Variants in GLRA2 observed in about 807,000 individuals in gnomAD.
The protein encoded by GLRA2 is glycine receptor subunit alpha-2.
A neutral mutation model predicts 31.6 loss-of-function variants in GLRA2; 11 were observed. The observed-to-expected ratio is 0.35, with a 90% CI of 0.22 to 0.58. GLRA2 has a LOEUF of 0.58. Ranked by LOEUF, GLRA2 falls within the 20% of genes least tolerant of loss-of-function variation. The pLI is 0.84. For missense variants in GLRA2, 212 were observed against 351.8 expected, an observed-to-expected ratio of 0.60 and a Z score of 3.18; for synonymous variants, 132 against 134.0, an observed-to-expected ratio of 0.99 and a Z score of 0.10.
At chrX:14,555,515 G>A (rs3027336) in intron 2 of GLRA2, among the ~76,000 whole-genome samples, 10 of 111,479 alleles carry the variant, frequency 9.0e-5, no homozygotes, top group Admixed American at 5.7e-4. Context: ...GGAGGGCAAC[G>A]GTTAAGACTT....
intron 7 of GLRA2, among the ~76,000 whole-genome samples, chrX:14,621,536 C>T (rs1052482245): frequency 9.1e-6 from 1 of 110,129 alleles, no homozygotes; most frequent in Middle Eastern, 4.6e-3. Context: ...CCGACAGGCC[C>T]CGGTGTGTGA....
At chrX:14,531,127 C>CCAT (rs2089249478) in intron 1 of GLRA2, 1 of 927,204 alleles carries the variant, frequency 1.1e-6, no homozygotes, top group African/African-American at 2.0e-5. Context: ...ACCACCACCA[C>CCAT]CATCATAATC....
intron 2 of GLRA2, among the ~76,000 whole-genome samples, chrX:14,545,804 ATTAG>A (rs1357645462): frequency 9.0e-6 from 1 of 111,386 alleles, no homozygotes; most frequent in East Asian, 2.8e-4. Context: ...TTGCTGAATT[ATTAG>A]TTATAGATGT....
At chrX:14,578,961 G>T (rs1308547154) in intron 3 of GLRA2, among the ~76,000 whole-genome samples, 4 of 112,021 alleles carry the variant, frequency 3.6e-5, no homozygotes, top group Non-Finnish European at 7.5e-5. Flanking sequence ...TTATTTAACA[G>T]ATAGGAGGGT....
intron 7 of GLRA2, among the ~76,000 whole-genome samples, chrX:14,618,943 C>A (rs1254063054): frequency 8.9e-6 from 1 of 111,805 alleles, no homozygotes; most frequent in East Asian, 2.8e-4. Context: ...TATTTCAAAT[C>A]TTTGACTTCC....
chrX:14,472,692 C>CT, the GLRA2 span, among the ~76,000 whole-genome samples: 1 of 111,441 alleles, frequency 9.0e-6, no homozygotes, highest in South Asian at 3.8e-4. Context: ...CCTGTCGCAT[C>CT]TTTTTAATGA....
the GLRA2 span, among the ~76,000 whole-genome samples, chrX:14,465,022 A>G: frequency 8.9e-6 from 1 of 111,831 alleles, no homozygotes; most frequent in Non-Finnish European, 1.9e-5. Flanking sequence ...ATGTTTTTCT[A>G]TTTCTGTGAA....
chrX:14,524,709 A>AGACTCTTAATG (rs1301606297), upstream of GLRA2, among the ~76,000 whole-genome samples: 6 of 110,089 alleles, frequency 5.5e-5, no homozygotes, highest in Admixed American at 2.9e-4. Flanking sequence ...ATTGACTCTG[A>AGACTCTTAATG]GACTCTTAAT....
At chrX:14,533,097 AAAG>A (rs1201993585) in intron 2 of GLRA2, among the ~76,000 whole-genome samples, 39 of 111,091 alleles carry the variant, frequency 3.5e-4, no homozygotes, top group African/African-American at 1.2e-3. Context: ...AATCAGAAAA[AAAG>A]AATAAGAATC....
At chrX:14,548,729 G>A (rs5935767) in intron 2 of GLRA2, among the ~76,000 whole-genome samples, 22,567 of 111,239 alleles carry the variant, frequency 0.2, 2,248 homozygotes, top group Non-Finnish European at 0.31. Context: ...TGTCTGCAGT[G>A]TTCAGTAAAT....
chrX:14,686,061 C>T (rs763663085), intron 7 of GLRA2, among the ~76,000 whole-genome samples: 26 of 111,670 alleles, frequency 2.3e-4, no homozygotes, highest in African/African-American at 7.8e-4. Flanking sequence ...GCCTTCATTT[C>T]GTTATGTACC....
chrX:14,625,246 C>T (rs2090574508), intron 7 of GLRA2, among the ~76,000 whole-genome samples: 1 of 111,111 alleles, frequency 9.0e-6, no homozygotes, highest in Admixed American at 9.6e-5. Context: ...TGTGTCTCTG[C>T]ATGTGAGATG....
At chrX:14,474,660 TG>T in the GLRA2 span, among the ~76,000 whole-genome samples, 1 of 12,969 alleles carries the variant, frequency 7.7e-5, no homozygotes, top group Non-Finnish European at 1.5e-4. Flanking sequence ...TCAGCTGGGA[TG>T]GCTGGGATGG....
At chrX:14,610,760 C>A (rs2090388085) in intron 7 of GLRA2, among the ~76,000 whole-genome samples, 1 of 112,037 alleles carries the variant, frequency 8.9e-6, no homozygotes, top group South Asian at 3.7e-4. Flanking sequence ...CATTTAGCCT[C>A]CAACTGCTCA....
chrX:14,599,862 C>T (rs2090248449), intron 4 of GLRA2, among the ~76,000 whole-genome samples: 1 of 111,511 alleles, frequency 9.0e-6, no homozygotes, highest in Non-Finnish European at 1.9e-5. Context: ...CCTTTAGATG[C>T]ACGGTAGACT....
At chrX:14,516,493 A>G in the GLRA2 span, among the ~76,000 whole-genome samples, 1 of 110,950 alleles carries the variant, frequency 9.0e-6, no homozygotes, top group Non-Finnish European at 1.9e-5. Context: ...CTCTGCAAAT[A>G]TTAATACTAG....
intron 2 of GLRA2, among the ~76,000 whole-genome samples, chrX:14,535,773 T>C (rs2089315490): frequency 8.9e-6 from 1 of 112,648 alleles, no homozygotes; most frequent in Admixed American, 9.4e-5. Flanking sequence ...TATCATGGTG[T>C]TATTCCATCA....
chrX:14,510,438 C>G, the GLRA2 span, among the ~76,000 whole-genome samples: 1 of 111,496 alleles, frequency 9.0e-6, no homozygotes, highest in African/African-American at 3.3e-5. Flanking sequence ...CTAATTTTTG[C>G]AGTCCATTAA....
chrX:14,671,329 T>A (rs2091090437), intron 7 of GLRA2, among the ~76,000 whole-genome samples: 1 of 112,210 alleles, frequency 8.9e-6, no homozygotes. Flanking sequence ...TTTGTTTCAG[T>A]AAACTGCAGA....
Sources: gnomAD v4.1 joint callset for allele counts (sites outside exome capture counted in the v4.1 genomes callset) on GRCh38, gnomAD v4.1.1 for gene constraint, MANE v1.5 for transcripts, NCBI Gene and HGNC (gene_info 2026-07-23, HGNC 2026-07-21) for gene names.